Variants in ASIC2 observed in about 807,000 individuals in gnomAD.
ASIC2 encodes the protein acid-sensing ion channel 2.
In ASIC2, 25 loss-of-function variants were observed where a neutral mutation model predicts 57.3. That is an observed-to-expected ratio of 0.44 (90% CI 0.32 to 0.61). The LOEUF is 0.61. Among genes scored for constraint, ASIC2 ranks in the 20% least tolerant of loss-of-function variants. The pLI, the probability that ASIC2 is intolerant of heterozygous loss-of-function variation, is 0.06. For missense variants in ASIC2, 641 were observed against 738.1 expected (o/e 0.87, Z 1.52); for synonymous variants, 319 against 307.5 (o/e 1.04, Z -0.39).
At chr17:33,209,059 G>A (rs1907173788) in intron 1 of ASIC2, among the ~76,000 whole-genome samples, 1 of 152,110 alleles carries the variant, frequency 6.6e-6, no homozygotes, top group Admixed American at 6.5e-5. Context: ...GTTGGTGGCA[G>A]GTTATGTGAA....
At chr17:34,098,785 T>G (rs1307227182) in intron 1 of ASIC2, among the ~76,000 whole-genome samples, 1 of 152,184 alleles carries the variant, frequency 6.6e-6, no homozygotes, top group Non-Finnish European at 1.5e-5. Context: ...ACTCATTTTT[T>G]TCTCTTATGA....
chr17:33,398,685 G>A (rs1399351702), intron 1 of ASIC2, among the ~76,000 whole-genome samples: 1 of 152,108 alleles, frequency 6.6e-6, no homozygotes, highest in East Asian at 1.9e-4. Context: ...AGTCTATGGA[G>A]TTTTTTCACA....
chr17:33,584,980 T>A (rs1293459989), intron 1 of ASIC2, among the ~76,000 whole-genome samples: 1 of 151,490 alleles, frequency 6.6e-6, no homozygotes, highest in Non-Finnish European at 1.5e-5. Context: ...GGAGGGAGGG[T>A]CCATGAGGTA....
chr17:33,726,415 T>C (rs1452863105), intron 1 of ASIC2, among the ~76,000 whole-genome samples: 1 of 152,190 alleles, frequency 6.6e-6, no homozygotes, highest in Non-Finnish European at 1.5e-5. Flanking sequence ...AATAGAGAAC[T>C]GAAGCAGGTA....
intron 1 of ASIC2, among the ~76,000 whole-genome samples, chr17:33,258,147 G>A (rs1292035115): frequency 6.6e-6 from 1 of 152,276 alleles, no homozygotes; most frequent in Non-Finnish European, 1.5e-5. Flanking sequence ...TAATTCATGG[G>A]ATTCACAGCA....
rs562139382 is a variant in ASIC2 at position 33,995,397 on chromosome 17, C to T, written c.555+160581G>A. On this transcript the variant is annotated intron_variant, in intron 1 of 9. Coordinates refer to the ASIC2 transcript ENST00000359872. ...TCCCCTGTCCATCCTTTACCCACCT[C>T]TTCTACCTCATCTCCTCCTCACTCT... Among the ~76,000 whole-genome samples, 4 of 152,138 alleles carry T rather than the reference C, an allele frequency of 2.6e-5. No homozygotes were observed. In the South Asian group the frequency reaches 8.3e-4, roughly 32 times the overall value.
At chr17:33,475,272 T>G (rs1024536833) in intron 1 of ASIC2, among the ~76,000 whole-genome samples, 1 of 143,464 alleles carries the variant, frequency 7.0e-6, no homozygotes, top group Non-Finnish European at 1.5e-5. Flanking sequence ...TGTTGAAATT[T>G]TACCATATTT....
intron 1 of ASIC2, among the ~76,000 whole-genome samples, chr17:33,918,063 G>A (rs144675804): frequency 3.3e-5 from 5 of 152,268 alleles, no homozygotes; most frequent in Non-Finnish European, 7.3e-5. Flanking sequence ...TGTGCCTTGT[G>A]CTTAAGTAAG....
At chr17:34,071,263 T>C (rs573488230) in intron 1 of ASIC2, 1 of 152,222 alleles carries the variant, frequency 6.6e-6, no homozygotes, top group Non-Finnish European at 1.5e-5. Flanking sequence ...CCCTGATCTG[T>C]CCCTTGGTCA....
At chr17:34,006,614 T>C (rs566668889) in intron 1 of ASIC2, 1 of 149,576 alleles carries the variant, frequency 6.7e-6, no homozygotes, top group Non-Finnish European at 1.5e-5. Context: ...TTTAAAAATA[T>C]TTATTTTTTA....
intron 1 of ASIC2, among the ~76,000 whole-genome samples, chr17:34,053,614 C>T (rs1450254755): frequency 6.6e-6 from 1 of 152,102 alleles, no homozygotes; most frequent in Non-Finnish European, 1.5e-5. Context: ...CCCAATTAAC[C>T]TGTGTGACAG....
At chr17:33,681,213 T>C (rs1205133823) in intron 1 of ASIC2, among the ~76,000 whole-genome samples, 1 of 152,260 alleles carries the variant, frequency 6.6e-6, no homozygotes, top group Non-Finnish European at 1.5e-5. Context: ...CTGGTTGGCC[T>C]ATGATCATTT....
Position 33,218,929 on chromosome 17 carries a change from G to A in ASIC2, c.708+72479C>T, listed in dbSNP as rs182634456. Among the ~76,000 whole-genome samples, 318 of 152,296 alleles carry A rather than the reference G, an allele frequency of 2.1e-3. 1 individual carries two copies. The highest frequency in any genetic ancestry group is 3.3e-3 in the Non-Finnish European group (227 of 68,018). ...CCACGCATGTTTTCCAACCACACCC[G>A]TGGAAGGGAGAGCTGAACTGGGCTG... On this transcript the variant is annotated intron_variant, in intron 1 of 9. Coordinates refer to ENST00000225823, the MANE Select transcript of ASIC2 (RefSeq NM_183377.2).
At chr17:33,599,266 G>T (rs1003834581) in intron 1 of ASIC2, among the ~76,000 whole-genome samples, 1 of 152,200 alleles carries the variant, frequency 6.6e-6, no homozygotes, top group African/African-American at 2.4e-5. Context: ...TTTGTGGTCT[G>T]GGGAACAAAA....
At chr17:33,736,522 T>C (rs1369460020) in intron 1 of ASIC2, among the ~76,000 whole-genome samples, 1 of 152,178 alleles carries the variant, frequency 6.6e-6, no homozygotes, top group African/African-American at 2.4e-5. Flanking sequence ...AGGCATCTGT[T>C]TCCTGTGAGG....
chr17:33,812,632 A>C (rs986181070), intron 1 of ASIC2, among the ~76,000 whole-genome samples: 23 of 152,286 alleles, frequency 1.5e-4, no homozygotes, highest in African/African-American at 4.8e-4. Flanking sequence ...AGCTCCTTTA[A>C]GACTTCTGGG....
At chr17:33,635,276 C>T (rs991726988) in intron 1 of ASIC2, among the ~76,000 whole-genome samples, 1 of 152,184 alleles carries the variant, frequency 6.6e-6, no homozygotes, top group African/African-American at 2.4e-5. Context: ...GCACTTGCTA[C>T]GTCTCAGATA....
chr17:33,477,064 G>T (rs139933696), intron 1 of ASIC2, among the ~76,000 whole-genome samples: 99 of 152,008 alleles, frequency 6.5e-4, no homozygotes, highest in African/African-American at 2.1e-3. Flanking sequence ...TGTCTATCTG[G>T]CTCTATTTCA....
chr17:33,194,164 C>G (rs574756691), intron 1 of ASIC2, among the ~76,000 whole-genome samples: 2 of 152,304 alleles, frequency 1.3e-5, no homozygotes, highest in Admixed American at 1.3e-4. Flanking sequence ...TCCCAAGCCT[C>G]CTGACTTTTT....
Sources: gnomAD v4.1 joint callset for allele counts (sites outside exome capture counted in the v4.1 genomes callset) on GRCh38, gnomAD v4.1.1 for gene constraint, MANE v1.5 for transcripts, NCBI Gene and HGNC (gene_info 2026-07-23, HGNC 2026-07-21) for gene names.